Variants in PTPRD observed in about 807,000 individuals in gnomAD.
PTPRD encodes receptor-type tyrosine-protein phosphatase delta.
A neutral mutation model predicts 214.5 loss-of-function variants in PTPRD; 34 were observed. That is an observed-to-expected ratio of 0.16 (90% CI 0.12 to 0.21). PTPRD has a LOEUF of 0.21. Among genes scored for constraint, PTPRD ranks in the 10% least tolerant of loss-of-function variants. The pLI is 1.00. For missense variants in PTPRD, 2,545 were observed against 2,398.7 expected (o/e 1.06, Z -1.27); for synonymous variants, 1,128 against 845.7 (o/e 1.33, Z -5.79).
chr9:8,426,938 G>A (rs996453642), intron 35 of PTPRD, among the ~76,000 whole-genome samples: 5 of 152,012 alleles, frequency 3.3e-5, no homozygotes, highest in African/African-American at 7.3e-5. Flanking sequence ...GACTATAAGC[G>A]CATAGACATA....
In PTPRD at chr9:9,328,299, A is replaced by ATGTAG. The variant is rs1730602032; in HGVS notation, c.-203+69149_-203+69150insCTACA. On this transcript the variant is annotated intron_variant, in intron 9 of 45. Transcript: ENST00000381196. ...TGGCATGTAGGACCATACATACTAC[A>ATGTAG]TTCATTCTTACATGTAGTATGTGGT... Among the ~76,000 whole-genome samples the ATGTAG allele has an allele frequency of 5.9e-5, 9 of 152,246 alleles. No individual in the cohort carries two copies. In the South Asian group the frequency reaches 1.9e-3, roughly 32 times the overall value.
chr9:8,614,115 T>C (rs1564726592), intron 14 of PTPRD, among the ~76,000 whole-genome samples: 1 of 152,154 alleles, frequency 6.6e-6, no homozygotes, highest in East Asian at 1.9e-4. Flanking sequence ...GATTAATACA[T>C]TATTGGTAAA....
chr9:9,264,771 T>C (rs1938330484), intron 9 of PTPRD, among the ~76,000 whole-genome samples: 2 of 151,502 alleles, frequency 1.3e-5, no homozygotes, highest in South Asian at 2.1e-4. Flanking sequence ...ACAGAGATAA[T>C]TTTTAAAGCA....
At chr9:10,434,791 A>G (rs1275462512) in intron 2 of PTPRD, among the ~76,000 whole-genome samples, 1 of 151,880 alleles carries the variant, frequency 6.6e-6, no homozygotes, top group Non-Finnish European at 1.5e-5. Context: ...CACAATGAGA[A>G]CTTTATTATA....
chr9:8,794,010 T>A (rs1247854865), intron 11 of PTPRD, among the ~76,000 whole-genome samples: 3 of 152,194 alleles, frequency 2.0e-5, no homozygotes, highest in African/African-American at 7.2e-5. Context: ...TATAGAGTAC[T>A]AGGAAACTAA....
At chr9:9,077,607 G>T (rs324475) in intron 10 of PTPRD, among the ~76,000 whole-genome samples, 109,782 of 151,928 alleles carry the variant, frequency 0.72, 39,908 homozygotes, top group Non-Finnish European at 0.76. Context: ...TAATAGCGGA[G>T]AGTGTCATGC....
At chr9:9,575,868 C>T (rs2088536296) in intron 7 of PTPRD, among the ~76,000 whole-genome samples, 1 of 151,090 alleles carries the variant, frequency 6.6e-6, no homozygotes, top group Admixed American at 6.6e-5. Context: ...ACATTACTCG[C>T]CATCAAGTTT....
intron 2 of PTPRD, among the ~76,000 whole-genome samples, chr9:10,477,549 C>T (rs761139158): frequency 3.3e-5 from 5 of 152,036 alleles, no homozygotes; most frequent in African/African-American, 4.8e-5. Flanking sequence ...TAAATTAGTT[C>T]GACCATTGTG....
chr9:10,090,206 G>T (rs1226616702), intron 3 of PTPRD, among the ~76,000 whole-genome samples: 1 of 151,116 alleles, frequency 6.6e-6, no homozygotes, highest in Admixed American at 6.6e-5. Context: ...AACATTTTAG[G>T]GTTGTTCTAA....
At position 9,329,906 on chromosome 9, in the gene PTPRD, C is replaced by G. The variant is rs1022744144; in HGVS notation, c.-203+67543G>C. Among the ~76,000 whole-genome samples the G allele has an allele frequency of 3.9e-5, 6 of 152,172 alleles. 1 individual carries two copies. In the South Asian group the frequency reaches 1.0e-3, roughly 26 times the overall value. ...AGCCAATTCCCTCACTGAGAAATTCCTAGGGCCCTACCTTCTCAGTCACTT... is the reference window on the plus strand; with the variant it reads ...AGCCAATTCCCTCACTGAGAAATTCGTAGGGCCCTACCTTCTCAGTCACTT... On this transcript the variant is annotated intron_variant, in intron 9 of 45. Transcript: ENST00000381196.
chr9:8,706,447 G>A (rs1399305687), intron 12 of PTPRD, among the ~76,000 whole-genome samples: 2 of 152,168 alleles, frequency 1.3e-5, no homozygotes, highest in African/African-American at 4.8e-5. Flanking sequence ...CTAAAGACAA[G>A]TGTTCATGGT....
At chr9:10,603,115 C>A (rs1364654310) in intron 2 of PTPRD, among the ~76,000 whole-genome samples, 3 of 151,724 alleles carry the variant, frequency 2.0e-5, no homozygotes, top group South Asian at 4.1e-4. Flanking sequence ...GTGGTAGGAA[C>A]TGAATGAATT....
intron 2 of PTPRD, among the ~76,000 whole-genome samples, chr9:10,511,477 C>G (rs1163621517): frequency 2.0e-5 from 3 of 151,932 alleles, no homozygotes; most frequent in Non-Finnish European, 4.4e-5. Context: ...TATCTTGGCT[C>G]ACTGCAACTT....
At position 8,317,298 on chromosome 9, in the gene PTPRD, T is replaced by A. The variant is rs1822644618; in HGVS notation, c.*576A>T. On this transcript the variant is annotated 3_prime_UTR_variant, in exon 46 of 46. Transcript: ENST00000381196. ...TTTTAAAATTCACTTTATCGAATGA[T>A]ACATTTTGTTAAAAAAAAGTTTACA... 2 of 232,260 alleles carry A rather than the reference T, an allele frequency of 8.6e-6. No homozygotes were observed. Among genetic ancestry groups the A allele is most frequent in the African/African-American group, 2.2e-5 (1 of 45,250 alleles). 14.4% of individuals were successfully genotyped at this position (232,260 alleles called of 1,614,324 possible).
intron 14 of PTPRD, among the ~76,000 whole-genome samples, chr9:8,550,925 G>C (rs1391891558): frequency 6.6e-6 from 1 of 152,212 alleles, no homozygotes; most frequent in Non-Finnish European, 1.5e-5. Context: ...GTCTTCGACA[G>C]TGAGCTTATG....
intron 12 of PTPRD, among the ~76,000 whole-genome samples, chr9:8,706,228 T>C (rs2098204605): frequency 6.6e-6 from 1 of 152,202 alleles, no homozygotes; most frequent in Non-Finnish European, 1.5e-5. Flanking sequence ...AAACCAAGCT[T>C]ACTACGGAAG....
chr9:10,188,279 A>G (rs1174591272), intron 3 of PTPRD, among the ~76,000 whole-genome samples: 2 of 152,180 alleles, frequency 1.3e-5, no homozygotes, highest in Non-Finnish European at 2.9e-5. Flanking sequence ...GTATTAAAGT[A>G]TAACTCATGA....
intron 2 of PTPRD, among the ~76,000 whole-genome samples, chr9:10,608,372 C>T (rs1039707924): frequency 6.6e-6 from 1 of 151,896 alleles, no homozygotes; most frequent in Non-Finnish European, 1.5e-5. Flanking sequence ...CCACCTCTTC[C>T]CTTCCATAAT....
intron 2 of PTPRD, among the ~76,000 whole-genome samples, chr9:10,596,198 G>A (rs1386811270): frequency 6.6e-6 from 1 of 151,716 alleles, no homozygotes; most frequent in Non-Finnish European, 1.5e-5. Context: ...AATCCAGTAA[G>A]CACTGAAGCT....
Sources: allele counts gnomAD v4.1 joint callset (sites outside exome capture counted in the v4.1 genomes callset), GRCh38; gene constraint gnomAD v4.1.1; transcripts MANE v1.5; gene names NCBI Gene and HGNC (gene_info 2026-07-23, HGNC 2026-07-21).